Variants in PTPRN2 observed in about 807,000 individuals in gnomAD.
PTPRN2 encodes the protein receptor-type tyrosine-protein phosphatase N2.
A neutral mutation model predicts 118.8 loss-of-function variants in PTPRN2; 74 were observed. The observed-to-expected ratio is 0.62, with a 90% CI of 0.52 to 0.76. The LOEUF is 0.76. Ranked by LOEUF, PTPRN2 falls within the 30% of genes least tolerant of loss-of-function variation. PTPRN2 has a pLI of 0.00. For missense variants in PTPRN2, 1,481 were observed against 1,394.4 expected, an observed-to-expected ratio of 1.06 and a Z score of -0.99; for synonymous variants, 641 against 608.0, an observed-to-expected ratio of 1.05 and a Z score of -0.80.
rs1261197626 is a variant in PTPRN2 at position 158,565,013 on chromosome 7, C to T, written c.112+22545G>A. 6.6e-6 allele frequency among the ~76,000 whole-genome samples: 1 copy of T among 152,214 alleles called. No individual in the cohort carries two copies. The highest frequency in any genetic ancestry group is 2.4e-5 in the African/African-American group (1 of 41,448). On this transcript the variant is annotated intron_variant, in intron 1 of 22. Coordinates refer to ENST00000389418, the MANE Select transcript of PTPRN2 (RefSeq NM_002847.5). The surrounding 1 kb of genome is among the most constrained non-coding windows in gnomAD (Gnocchi z 4.6). ...GGCCCTGCCCCACGTAACGGCTTTA[C>T]ACAAACTCTAAAAAGTCATCCCAGC... is the stretch of plus-strand genomic sequence containing the variant.
At chr7:158,135,823 G>C (rs1261320519) in intron 8 of PTPRN2, among the ~76,000 whole-genome samples, 2 of 152,240 alleles carry the variant, frequency 1.3e-5, no homozygotes, top group Admixed American at 1.3e-4. Flanking sequence ...ACCAGTAAGA[G>C]AATCTGAGGA....
intron 1 of PTPRN2, chr7:158,541,420 G>A (rs779056572): frequency 1.3e-4 from 175 of 1,342,952 alleles, no homozygotes; most frequent in Non-Finnish European, 1.7e-4. Flanking sequence ...TATTCCACCC[G>A]GTTACCTGCC....
chr7:157,815,357 C>T (rs1806329129), intron 12 of PTPRN2, among the ~76,000 whole-genome samples: 1 of 152,248 alleles, frequency 6.6e-6, no homozygotes, highest in African/African-American at 2.4e-5. Flanking sequence ...TCCAGGGTGC[C>T]AGGCCTAGGC....
chr7:157,925,538 G>C (rs1372345311), intron 11 of PTPRN2, among the ~76,000 whole-genome samples: 1 of 152,130 alleles, frequency 6.6e-6, no homozygotes, highest in East Asian at 1.9e-4. Flanking sequence ...TCTCCCTCCA[G>C]CTTCCTTTGG....
intron 12 of PTPRN2, among the ~76,000 whole-genome samples, chr7:157,880,781 T>A (rs897424561): frequency 6.6e-6 from 1 of 152,262 alleles, no homozygotes; most frequent in African/African-American, 2.4e-5. Flanking sequence ...ATTTATTCAT[T>A]AATTCACTCT....
chr7:158,075,525 G>A (rs1016703035), intron 11 of PTPRN2, among the ~76,000 whole-genome samples: 1 of 152,184 alleles, frequency 6.6e-6, no homozygotes, highest in Non-Finnish European at 1.5e-5. Flanking sequence ...TCCAGCAGGA[G>A]ACGGGCACTG....
At chr7:157,577,460 TTGA>T (rs1563228033) in intron 18 of PTPRN2, among the ~76,000 whole-genome samples, 2 of 152,200 alleles carry the variant, frequency 1.3e-5, no homozygotes, top group African/African-American at 4.8e-5. Flanking sequence ...TAGTTCATTC[TTGA>T]TGGGGGCAGA....
At chr7:157,748,741 C>G (rs199558481) in intron 12 of PTPRN2, among the ~76,000 whole-genome samples, 4,727 of 82,218 alleles carry the variant, frequency 0.057, 129 homozygotes, top group Admixed American at 0.11. Flanking sequence ...GAGCTGTGGG[C>G]TGTCCGGGTG....
rs1803886002 is a variant in PTPRN2, at chr7:158,328,886, T to C, written c.164-11954A>G. ...CCTGAGCGACAAGCGGGACCTCTGT[T>C]CCTCTCGCCACCCAGGGATCCCAGT... On this transcript the variant is annotated intron_variant, in intron 2 of 22. Coordinates refer to ENST00000389418, the MANE Select transcript of PTPRN2 (RefSeq NM_002847.5). 4.5e-5 allele frequency among the ~76,000 whole-genome samples: 6 copies of C among 132,772 alleles called. No individual in the cohort carries two copies. The Admixed American group carries it at 4.7e-4, about 10-fold the overall frequency. The allele number at this position is 132,772 out of a possible 152,430, so 87.1% of individuals were successfully genotyped here. A position where few individuals can be genotyped will look rare whatever the true frequency, so the allele number is the denominator to read the frequency against.
intron 1 of PTPRN2, among the ~76,000 whole-genome samples, chr7:158,499,027 C>A (rs1822162281): frequency 6.6e-6 from 1 of 152,182 alleles, no homozygotes; most frequent in Non-Finnish European, 1.5e-5. Context: ...CAGTACTGGG[C>A]TGACTTAGTT....
rs142598497 is a variant in PTPRN2 at position 158,083,325 on chromosome 7, C to T, written c.1644-1948G>A. Among the ~76,000 whole-genome samples the T allele has an allele frequency of 9.4e-3, 1,424 of 152,260 alleles. 24 individuals are homozygous for T. The highest frequency in any genetic ancestry group is 0.033 in the African/African-American group (1,353 of 41,540). ...TTTTCTAAAATTAAGAGAAAGTCCT[C>T]ATTAACACAAGCAGCACTCATGTAC... On this transcript the variant is annotated intron_variant, in intron 10 of 22. Transcript: ENST00000389418.
intron 21 of PTPRN2, among the ~76,000 whole-genome samples, chr7:157,554,972 G>A (rs1798808039): frequency 6.6e-6 from 1 of 152,204 alleles, no homozygotes; most frequent in Non-Finnish European, 1.5e-5. Context: ...AGTGTGGCGG[G>A]CGCCCCAGTG....
chr7:158,245,472 G>A (rs1176606852), intron 3 of PTPRN2, among the ~76,000 whole-genome samples: 1 of 152,198 alleles, frequency 6.6e-6, no homozygotes, highest in Non-Finnish European at 1.5e-5. Flanking sequence ...CCATCTCCAC[G>A]CACTTCTCAT....
rs1328732802 is a variant in PTPRN2 at position 157,764,930 on chromosome 7, T to TATCC, written c.1789-81997_1789-81994dup. Among the ~76,000 whole-genome samples, 1 of 145,270 alleles carries TATCC rather than the reference T, an allele frequency of 6.9e-6. No individual in the cohort carries two copies. Among genetic ancestry groups the TATCC allele is most frequent in the Non-Finnish European group, 1.5e-5 (1 of 66,160 alleles). ...ATCCATCCATCCATTGATCCATCCA[T>TATCC]ATCCATCCATCCATATCCATCCATC... On this transcript the variant is annotated intron_variant, in intron 12 of 22. Coordinates refer to ENST00000389418, the MANE Select transcript of PTPRN2 (RefSeq NM_002847.5). The surrounding 1 kb of genome is among the most constrained non-coding windows in gnomAD (Gnocchi z 4.5).
chr7:158,367,680 A>C (rs1010505481), intron 2 of PTPRN2, among the ~76,000 whole-genome samples: 5 of 152,142 alleles, frequency 3.3e-5, no homozygotes, highest in African/African-American at 1.2e-4. Flanking sequence ...AAGCTCTATT[A>C]ATGTTAGTTT....
intron 12 of PTPRN2, among the ~76,000 whole-genome samples, chr7:157,745,824 G>A (rs774954305): frequency 2.8e-4 from 43 of 152,090 alleles, no homozygotes; most frequent in Non-Finnish European, 5.1e-4. Flanking sequence ...CATGTTTGAC[G>A]CACGCCCTGA....
At chr7:157,556,550 G>A (rs927527383) in intron 21 of PTPRN2, among the ~76,000 whole-genome samples, 3 of 143,016 alleles carry the variant, frequency 2.1e-5, no homozygotes, top group East Asian at 2.2e-4. Flanking sequence ...CCACCCTCAC[G>A]TCATACATAT....
At chr7:157,769,234 G>C (rs538582740) in intron 12 of PTPRN2, among the ~76,000 whole-genome samples, 1 of 152,058 alleles carries the variant, frequency 6.6e-6, no homozygotes, top group Non-Finnish European at 1.5e-5. Context: ...AACACATGCC[G>C]GTGATTTATC....
chr7:158,315,986 G>A (rs1269385168), intron 3 of PTPRN2, among the ~76,000 whole-genome samples: 2 of 152,136 alleles, frequency 1.3e-5, no homozygotes, highest in Admixed American at 6.5e-5. Flanking sequence ...GTGATGCCTG[G>A]GCTCCCACTC....
Sources: gnomAD v4.1 joint callset for allele counts (sites outside exome capture counted in the v4.1 genomes callset) on GRCh38, gnomAD v4.1.1 for gene constraint, Gnocchi (gnomAD v3.1) non-coding constraint, MANE v1.5 for transcripts, NCBI Gene and HGNC (gene_info 2026-07-23, HGNC 2026-07-21) for gene names.